Variants in NKAPD1 observed in about 807,000 individuals in gnomAD.
NKAPD1 encodes uncharacterized protein NKAPD1.
A neutral mutation model predicts 30.9 loss-of-function variants in NKAPD1; 12 were observed. The observed-to-expected ratio is 0.39, with a 90% CI of 0.25 to 0.63. The LOEUF (loss-of-function observed/expected upper bound fraction) is 0.63, where lower values mean the gene tolerates loss of function less well. NKAPD1 is among the 20% of genes least tolerant of loss of function. The pLI is 0.51. For synonymous variants in NKAPD1, 91 were observed against 113.6 expected (o/e 0.80, Z 1.26); for missense variants, 311 against 344.5 (o/e 0.90, Z 0.77).
intron 1 of NKAPD1, 101 bp from the exon 2 acceptor site, chr11:112,075,466 G>T: frequency 9.6e-6 from 8 of 830,156 alleles, no homozygotes; most frequent in Non-Finnish European, 1.5e-5. Flanking sequence ...TTCTAGTTCA[G>T]TGATCTTTCC....
At chr11:112,079,141 ATT>A (rs35305300) in intron 3 of NKAPD1, among the ~76,000 whole-genome samples, 1 of 115,946 alleles carries the variant, frequency 8.6e-6, no homozygotes. Context: ...GGCCCTTACA[ATT>A]TTTTTTTTTT....
rs967366221 is a variant in NKAPD1 at position 112,084,974 on chromosome 11, C to T, written c.*2002C>T. On this transcript the variant is annotated 3_prime_UTR_variant, in exon 6 of 6. Coordinates refer to ENST00000393047, the MANE Select transcript of NKAPD1 (RefSeq NM_018195.4). ...TGGTTTTTCAAAACCTACAATCCCC[C>T]ATTTGCACTACTGGCCATGGAACAT... 4.9e-6 allele frequency: 1 copy of T among 203,448 alleles called. No individual in the cohort carries two copies. The highest frequency in any genetic ancestry group is 2.3e-5 in the African/African-American group (1 of 43,400). The allele number at this position is 203,448 out of a possible 1,614,324, so 12.6% of individuals were successfully genotyped here. A position where few individuals can be genotyped will look rare whatever the true frequency, so the allele number is the denominator to read the frequency against.
intron 2 of NKAPD1, among the ~76,000 whole-genome samples, chr11:112,077,836 T>C (rs2135244554): frequency 6.6e-6 from 1 of 151,730 alleles, no homozygotes; most frequent in Admixed American, 6.6e-5. Flanking sequence ...TTCAGTTAGT[T>C]GCTTTTTTTT....
In NKAPD1 at chr11:112,082,571, AAGC is replaced by A; in HGVS notation, c.484_486del (p.Gln162del). The stretch of plus-strand genomic sequence containing the variant: ...GAAGTCAAAGAAATCCCACAAAAAA[AAGC>A]AGAAAAAAAGGTCACACAAAAAACA... On this transcript the variant is annotated inframe_deletion, in exon 6 of 6. Coordinates refer to ENST00000393047, the MANE Select transcript of NKAPD1 (RefSeq NM_018195.4). 6.2e-7 allele frequency: 1 copy of A among 1,613,302 alleles called. No homozygotes were observed. The highest frequency in any genetic ancestry group is 8.5e-7 in the Non-Finnish European group (1 of 1,179,914).
intron 2 of NKAPD1, among the ~76,000 whole-genome samples, chr11:112,078,007 G>A (rs1285663290): frequency 6.6e-6 from 1 of 151,818 alleles, no homozygotes; most frequent in Non-Finnish European, 1.5e-5. Context: ...TACCACGCCC[G>A]GCTAATTTTT....
In NKAPD1 at chr11:112,082,964, G is replaced by A; in HGVS notation, c.874G>A (p.Asp292Asn). 2 of 1,588,168 alleles carry A rather than the reference G, an allele frequency of 1.3e-6. No homozygotes were observed. The highest frequency in any genetic ancestry group is 1.7e-4 in the Middle Eastern group (1 of 5,886). The change falls in exon 6 of 6, where the codon GAT becomes AAT. Residue 292 changes from aspartate to asparagine, a missense_variant. Asp to Asn is a conservative substitution (Grantham distance 23, BLOSUM62 1). Transcript: ENST00000393047. ...TDERSAESSEDD is the reference protein window; with the variant it reads ...TDERSAESSEND Reference sequence around the variant, plus strand: ...TGAAAGGTCTGCTGAGAGCTCAGAGGATGACTAAATGGGAAACACTTTTGT... The same window carrying A: ...TGAAAGGTCTGCTGAGAGCTCAGAGAATGACTAAATGGGAAACACTTTTGT...
At position 112,078,279 on chromosome 11, in the gene NKAPD1, G is replaced by A. The variant is rs777852278; in HGVS notation, c.134G>A (p.Arg45Gln). 30 of 1,612,686 alleles carry A rather than the reference G, an allele frequency of 1.9e-5. No individual in the cohort carries two copies. The highest frequency in any genetic ancestry group is 1.7e-4 in the Admixed American group (10 of 59,940). ...ELEKQMEDAY[R>Q]GTKRKMLPSS... ...GAAAAACAGATGGAAGATGCTTACC[G>A]GGGGACCAAAAGGAAAATGCTACCC... Residue 45 changes from arginine to glutamine, a missense_variant, in exon 3 of 6, where the codon CGG becomes CAG. Arg to Gln is a conservative substitution (Grantham distance 43, BLOSUM62 1). Transcript: ENST00000393047.
Position 112,078,787 on chromosome 11 carries a change from C to T in NKAPD1, c.170+472C>T, listed in dbSNP as rs923580586. Reference sequence around the variant, plus strand: ...AGGCTGGTATAGAATCCTGGGCTCACGCAGTCCTCCCACCTCAACCTCCCA... The same window carrying T: ...AGGCTGGTATAGAATCCTGGGCTCATGCAGTCCTCCCACCTCAACCTCCCA... On this transcript the variant is annotated intron_variant, in intron 3 of 5. Coordinates refer to ENST00000393047, the MANE Select transcript of NKAPD1 (RefSeq NM_018195.4). Among the ~76,000 whole-genome samples the T allele has an allele frequency of 2.6e-5, 4 of 152,224 alleles. No homozygotes were observed. The East Asian group carries it at 5.8e-4, about 22-fold the overall frequency.
At chr11:112,076,189 G>A (rs756703545) in intron 2 of NKAPD1, among the ~76,000 whole-genome samples, 18 of 152,170 alleles carry the variant, frequency 1.2e-4, no homozygotes, top group Non-Finnish European at 2.1e-4. Flanking sequence ...GCCATCAAAT[G>A]TTTTTAAACA....
intron 4 of NKAPD1, 196 bp from the exon 5 acceptor site, chr11:112,081,786 T>C (rs1309857270): frequency 1.9e-6 from 1 of 534,948 alleles, no homozygotes; most frequent in African/African-American, 1.9e-5. Flanking sequence ...CAAAATAATC[T>C]TGTATGTCTG....
chr11:112,081,847 G>T, intron 4 of NKAPD1, 135 bp from the exon 5 acceptor site: 1 of 688,914 alleles, frequency 1.5e-6, no homozygotes, highest in Non-Finnish European at 2.6e-6. Context: ...GCTATAATGG[G>T]GGCTTGGTTC....
Position 112,080,457 on chromosome 11 carries a change from G to A in NKAPD1, c.219G>A (p.Trp73Ter). 1 of 1,614,038 alleles carries A rather than the reference G, an allele frequency of 6.2e-7. No homozygotes were observed. The highest frequency in any genetic ancestry group is 8.5e-7 in the Non-Finnish European group (1 of 1,179,988). Residue 73 changes from tryptophan (W) to a stop codon, truncating the protein, a stop_gained, in exon 4 of 6, where the codon TGG becomes TGA. Coordinates refer to ENST00000393047, the MANE Select transcript of NKAPD1 (RefSeq NM_018195.4). LOFTEE classifies it high-confidence loss of function. ...GFDEESQRYY[W>*]RPKNEISGTL... is the part of the protein sequence containing the mutation. Reference sequence around the variant, plus strand: ...ATGAAGAAAGTCAAAGATACTATTGGAGGCCAAAGAATGAAATTTCTGGGA... The same window carrying A: ...ATGAAGAAAGTCAAAGATACTATTGAAGGCCAAAGAATGAAATTTCTGGGA...
intron 4 of NKAPD1, 105 bp from the exon 5 acceptor site, chr11:112,081,877 G>A (rs912284768): frequency 5.7e-5 from 49 of 859,370 alleles, no homozygotes; most frequent in Non-Finnish European, 8.9e-5. Flanking sequence ...TCTACTTTGT[G>A]TTTATGTTTG....
In NKAPD1 at chr11:112,083,216, A is replaced by C; in HGVS notation, c.*244A>C. ...AAGAGATTATTTTTTTTTGCAATTAATTACGTTTAGTGTAGAGTGCATATA... is the reference window on the plus strand; with the variant it reads ...AAGAGATTATTTTTTTTTGCAATTACTTACGTTTAGTGTAGAGTGCATATA... On this transcript the variant is annotated 3_prime_UTR_variant, in exon 6 of 6. Coordinates refer to ENST00000393047, the MANE Select transcript of NKAPD1 (RefSeq NM_018195.4). The C allele has an allele frequency of 2.6e-6, 1 of 390,420 alleles. No homozygotes were observed. Among genetic ancestry groups the C allele is most frequent in the Non-Finnish European group, 4.5e-6 (1 of 221,606 alleles). 24.2% of individuals were successfully genotyped at this position (390,420 alleles called of 1,614,324 possible). A position where few individuals can be genotyped will look rare whatever the true frequency, so the allele number is the denominator to read the frequency against.
intron 2 of NKAPD1, among the ~76,000 whole-genome samples, chr11:112,077,250 G>T (rs1234072884): frequency 1.3e-5 from 2 of 152,210 alleles, no homozygotes; most frequent in Non-Finnish European, 2.9e-5. Flanking sequence ...AGTAAGCTTA[G>T]ATTTAAAATG....
rs199820082 is a variant in NKAPD1 at position 112,082,001 on chromosome 11, A to G, written c.340A>G (p.Lys114Glu). 3 of 1,612,574 alleles carry G rather than the reference A, an allele frequency of 1.9e-6. No homozygotes were observed. The highest frequency in any genetic ancestry group is 2.2e-5 in the East Asian group (1 of 44,768). ...TTACAGATGGGGTCACAGTGGTTAT[A>G]AAGAGTTATACCCTGAAGAATTTGA... is the stretch of plus-strand genomic sequence containing the variant. Reference protein sequence around the residue: ...MPDRWGHSGYKELYPEEFETD... With the variant: ...MPDRWGHSGYEELYPEEFETD... The change falls in exon 5 of 6, where the codon AAA (lysine) becomes GAA (glutamate). Residue 114 changes from lysine to glutamate, a missense_variant. Transcript: ENST00000393047.
chr11:112,081,912 T>A (rs182755870), intron 4 of NKAPD1, 70 bp from the exon 5 acceptor site: 1 of 1,280,622 alleles, frequency 7.8e-7, no homozygotes, highest in African/African-American at 1.5e-5. Context: ...CCAAAGTCTT[T>A]CTAATGTTGC....
intron 3 of NKAPD1, among the ~76,000 whole-genome samples, chr11:112,080,133 C>A (rs906193051): frequency 1.3e-5 from 2 of 152,026 alleles, no homozygotes; most frequent in African/African-American, 4.8e-5. Flanking sequence ...TTTTTTTCCA[C>A]TGGACTTTAC....
intron 3 of NKAPD1, among the ~76,000 whole-genome samples, chr11:112,080,016 T>C (rs1317474987): frequency 6.6e-6 from 1 of 152,152 alleles, no homozygotes; most frequent in Non-Finnish European, 1.5e-5. Flanking sequence ...GGTTTCACCA[T>C]GTCCCCCAGG....
Sources: gnomAD v4.1 joint callset for allele counts (sites outside exome capture counted in the v4.1 genomes callset) on GRCh38, gnomAD v4.1.1 for gene constraint, MANE v1.5 for transcripts, NCBI Gene and HGNC (gene_info 2026-07-23, HGNC 2026-07-21) for gene names.